Variants in MGAT4A observed in about 807,000 individuals in gnomAD.
The protein encoded by MGAT4A is N-acetylglucosaminyltransferase IVa.
Under a neutral mutation model 74.1 loss-of-function variants are expected in MGAT4A, and 33 were observed. That is an observed-to-expected ratio of 0.45 (90% CI 0.34 to 0.60). The LOEUF (loss-of-function observed/expected upper bound fraction) is 0.60. Among genes scored for constraint, MGAT4A ranks in the 20% least tolerant of loss-of-function variants. MGAT4A has a pLI of 0.02. For synonymous variants in MGAT4A, 198 were observed against 210.4 expected, an observed-to-expected ratio of 0.94 and a Z score of 0.51; for missense variants, 479 against 628.3, an observed-to-expected ratio of 0.76 and a Z score of 2.54.
At chr2:98,703,430 C>A (rs529597722) in intron 2 of MGAT4A, among the ~76,000 whole-genome samples, 1 of 151,848 alleles carries the variant, frequency 6.6e-6, no homozygotes, top group Non-Finnish European at 1.5e-5. Flanking sequence ...TAGGATACCC[C>A]CAAGCGTTCA....
Position 98,652,399 on chromosome 2 carries a change from C to G in MGAT4A, c.774+3046G>C, listed in dbSNP as rs187350735. ...AGGCTGGAGTGCAGTGGCGCTATCT[C>G]GGCTCACTGCAAGCTCCACCTCCCG... On this transcript the variant is annotated intron_variant, in intron 8 of 15. Coordinates refer to ENST00000393487, the MANE Select transcript of MGAT4A (RefSeq NM_012214.3). Among the ~76,000 whole-genome samples the G allele has an allele frequency of 6.1e-4, 90 of 147,568 alleles. 1 individual carries two copies. The highest frequency in any genetic ancestry group is 2.2e-3 in the African/African-American group (89 of 39,708).
At chr2:98,630,290 G>A (rs1265629733) in intron 14 of MGAT4A, among the ~76,000 whole-genome samples, 1 of 152,198 alleles carries the variant, frequency 6.6e-6, no homozygotes, top group Non-Finnish European at 1.5e-5. Context: ...ACACACTCAC[G>A]TGGATGAATC....
At chr2:98,695,226 G>A (rs1231659452) in intron 2 of MGAT4A, 3 of 152,616 alleles carry the variant, frequency 2.0e-5, no homozygotes, top group African/African-American at 7.2e-5. Context: ...TAGTAGAGAC[G>A]AGGTTTCACC....
intron 2 of MGAT4A, among the ~76,000 whole-genome samples, chr2:98,723,195 C>T (rs1355154440): frequency 1.3e-5 from 2 of 152,138 alleles, no homozygotes; most frequent in African/African-American, 4.8e-5. Context: ...AGCAGTACTT[C>T]TAGGAACTGT....
chr2:98,700,693 C>T (rs570925318), intron 2 of MGAT4A, among the ~76,000 whole-genome samples: 40 of 152,180 alleles, frequency 2.6e-4, no homozygotes, highest in African/African-American at 9.4e-4. Context: ...CAGTTTGAGA[C>T]CAGCCTGGCT....
intron 2 of MGAT4A, among the ~76,000 whole-genome samples, chr2:98,718,950 T>G (rs979239096): frequency 6.6e-6 from 1 of 152,170 alleles, no homozygotes; most frequent in African/African-American, 2.4e-5. Context: ...CCTGTCATTA[T>G]CCTCAGTCCC....
chr2:98,666,993 A>G (rs1559163878), intron 4 of MGAT4A, among the ~76,000 whole-genome samples: 1 of 152,142 alleles, frequency 6.6e-6, no homozygotes, highest in Admixed American at 6.6e-5. Flanking sequence ...AGTGGGAGGT[A>G]ATTGAATCAT....
chr2:98,641,540 C>T (rs1265201073), intron 10 of MGAT4A, among the ~76,000 whole-genome samples: 1 of 146,804 alleles, frequency 6.8e-6, no homozygotes, highest in South Asian at 2.2e-4. Flanking sequence ...GGCGTGGTGG[C>T]GGGCGCCTGC....
At chr2:98,642,353 G>T (rs996089141) in intron 10 of MGAT4A, among the ~76,000 whole-genome samples, 1 of 152,166 alleles carries the variant, frequency 6.6e-6, no homozygotes, top group South Asian at 2.1e-4. Context: ...ATGTATAAAT[G>T]ATTCGAAGGG....
chr2:98,668,438 T>G (rs1701867238), intron 4 of MGAT4A, among the ~76,000 whole-genome samples: 1 of 152,132 alleles, frequency 6.6e-6, no homozygotes, highest in Non-Finnish European at 1.5e-5. Flanking sequence ...TGCACAGAAG[T>G]CAATAATGGG....
intron 3 of MGAT4A, among the ~76,000 whole-genome samples, chr2:98,677,456 C>CT (rs1701990471): frequency 6.6e-6 from 1 of 152,108 alleles, no homozygotes; most frequent in African/African-American, 2.4e-5. Context: ...TGCAATTTAA[C>CT]TTTTTTTGTT....
At chr2:98,711,462 T>C (rs1041220466) in intron 2 of MGAT4A, among the ~76,000 whole-genome samples, 1 of 152,042 alleles carries the variant, frequency 6.6e-6, no homozygotes, top group African/African-American at 2.4e-5. Flanking sequence ...GGTATAAAAA[T>C]GAGAATTACT....
intron 14 of MGAT4A, among the ~76,000 whole-genome samples, chr2:98,631,099 G>A (rs771723389): frequency 1.1e-4 from 17 of 152,280 alleles, no homozygotes; most frequent in East Asian, 9.6e-4. Flanking sequence ...TTCTTCTGCC[G>A]TCTCGCAGCT....
In MGAT4A at chr2:98,623,869, A is replaced by G; in HGVS notation, c.*1697T>C. 2.0e-6 allele frequency: 2 copies of G among 985,444 alleles called. No homozygotes were observed. The highest frequency in any genetic ancestry group is 2.4e-6 in the Non-Finnish European group (2 of 829,976). The allele number at this position is 985,444 out of a possible 1,614,324, so 61.0% of individuals were successfully genotyped here. On this transcript the variant is annotated 3_prime_UTR_variant, in exon 16 of 16. Transcript: ENST00000393487. ...TCCAGGCTAGAGGCAGCCAGCTGGA[A>G]CCTTGCCCCAGCGCTAGGCCCCAGC...
chr2:98,675,126 T>C lies in MGAT4A; in HGVS notation c.312A>G (p.Gln104=). The C allele has an allele frequency of 1.9e-6, 3 of 1,612,206 alleles. No individual in the cohort carries two copies. The highest frequency in any genetic ancestry group is 2.5e-6 in the Non-Finnish European group (3 of 1,178,984). Residue 104 remains glutamine (Q), a synonymous_variant, in exon 4 of 16, where the codon CAA becomes CAG. Coordinates refer to ENST00000393487, the MANE Select transcript of MGAT4A (RefSeq NM_012214.3). ...LKELTSKKSL[Q]VPSIYYHLPH... is the part of the protein sequence containing the mutation. ...GCAAATGATAATAAATACTTGGCAC[T>C]TGAAGAGATTTTTTGCTTGTTAACT...
intron 14 of MGAT4A, among the ~76,000 whole-genome samples, chr2:98,634,932 G>A (rs974170368): frequency 6.6e-6 from 1 of 151,962 alleles, no homozygotes; most frequent in Non-Finnish European, 1.5e-5. Context: ...TGAGGCTGGA[G>A]AGGAGCTAAA....
chr2:98,635,438 T>C (rs1701305478), intron 13 of MGAT4A, 150 bp from the exon 14 acceptor site: 3 of 568,662 alleles, frequency 5.3e-6, no homozygotes, highest in Non-Finnish European at 9.0e-6. Flanking sequence ...TTAAAAAACT[T>C]ATTAGATTAA....
chr2:98,660,720 C>T (rs58322881), intron 5 of MGAT4A, among the ~76,000 whole-genome samples: 3,512 of 152,158 alleles, frequency 0.023, 150 homozygotes, highest in African/African-American at 0.081. Flanking sequence ...AACTGGATAT[C>T]CACATACAGA....
chr2:98,710,979 T>C (rs953951702), intron 2 of MGAT4A, among the ~76,000 whole-genome samples: 2 of 147,126 alleles, frequency 1.4e-5, no homozygotes, highest in African/African-American at 5.0e-5. Flanking sequence ...AGTGGTCACA[T>C]AAAGAAGTTG....
Sources: allele counts gnomAD v4.1 joint callset (sites outside exome capture counted in the v4.1 genomes callset), GRCh38; gene constraint gnomAD v4.1.1; transcripts MANE v1.5; gene names NCBI Gene and HGNC (gene_info 2026-07-23, HGNC 2026-07-21).